Variants in DOCK5 observed in about 807,000 individuals in gnomAD.
DOCK5 encodes the protein dedicator of cytokinesis 5, also known as dedicator of cytokinesis protein 5.
A neutral mutation model predicts 251.8 loss-of-function variants in DOCK5; 142 were observed. The observed-to-expected ratio is 0.56, with a 90% CI of 0.49 to 0.65. DOCK5 has a LOEUF of 0.65. DOCK5 is among the 30% of genes least tolerant of loss of function. The pLI is 0.00. For missense variants in DOCK5, 2,111 were observed against 2,312.3 expected, an observed-to-expected ratio of 0.91 and a Z score of 1.79; for synonymous variants, 842 against 835.5, an observed-to-expected ratio of 1.01 and a Z score of -0.13.
intron 26 of DOCK5, among the ~76,000 whole-genome samples, chr8:25,346,824 C>CAAAAAAAAAA (rs11320370): frequency 8.4e-6 from 1 of 119,204 alleles, no homozygotes. Context: ...ACTCCAACTC[C>CAAAAAAAAAA]AAAAAAAAAA....
At chr8:25,273,728 T>G (rs1803973459) in intron 3 of DOCK5, among the ~76,000 whole-genome samples, 1 of 152,210 alleles carries the variant, frequency 6.6e-6, no homozygotes, top group South Asian at 2.1e-4. Context: ...ATGGCCAAAC[T>G]CACCTGACCT....
intron 1 of DOCK5, among the ~76,000 whole-genome samples, chr8:25,227,689 T>C (rs777359383): frequency 2.6e-5 from 4 of 152,248 alleles, no homozygotes; most frequent in Non-Finnish European, 5.9e-5. Context: ...GTTCTAATCC[T>C]ATTTAAATCT....
At chr8:25,338,517 A>G (rs1805870560) in intron 22 of DOCK5, among the ~76,000 whole-genome samples, 2 of 152,186 alleles carry the variant, frequency 1.3e-5, no homozygotes, top group South Asian at 4.1e-4. Context: ...TTTTTAAAAA[A>G]TGTTTAATGA....
intron 2 of DOCK5, among the ~76,000 whole-genome samples, chr8:25,246,125 C>T (rs1186755642): frequency 6.6e-6 from 1 of 152,152 alleles, no homozygotes; most frequent in Non-Finnish European, 1.5e-5. Flanking sequence ...TAGTAACATG[C>T]TATGTCTTAC....
Position 25,292,079 on chromosome 8 carries a change from A to G in DOCK5, c.377A>G (p.Glu126Gly). The G allele has an allele frequency of 4.4e-6, 7 of 1,600,316 alleles. No homozygotes were observed. The highest frequency in any genetic ancestry group is 6.0e-6 in the Non-Finnish European group (7 of 1,172,900). Residue 126 changes from glutamate to glycine, a missense_variant, in exon 6 of 52, where the codon GAG becomes GGG. Around this residue, in one of 3 missense-constraint regions of DOCK5, gnomAD observed 335 missense variants for 324.9 expected, o/e 1.03. Coordinates refer to ENST00000276440, the MANE Select transcript of DOCK5 (RefSeq NM_024940.8). ...CAGCAGATGACGTACAGCCTGATCGAGTGGCGGTCCCAGATCCTGTCTGGG... is the reference window on the plus strand; with the variant it reads ...CAGCAGATGACGTACAGCCTGATCGGGTGGCGGTCCCAGATCCTGTCTGGG... ...QLQQMTYSLI[E>G]WRSQILSGTL...
intron 33 of DOCK5, among the ~76,000 whole-genome samples, chr8:25,369,103 T>A (rs10106554): frequency 6.6e-6 from 1 of 151,968 alleles, no homozygotes; most frequent in Non-Finnish European, 1.5e-5. Flanking sequence ...AATCCATTAC[T>A]CTGTAGCTTT....
At chr8:25,216,196 T>C (rs550691307) in intron 1 of DOCK5, among the ~76,000 whole-genome samples, 2 of 145,552 alleles carry the variant, frequency 1.4e-5, no homozygotes, top group South Asian at 4.3e-4. Flanking sequence ...TGTATATATG[T>C]ATACAATATG....
chr8:25,249,093 G>T (rs892430609), intron 2 of DOCK5, among the ~76,000 whole-genome samples: 22 of 152,206 alleles, frequency 1.4e-4, no homozygotes, highest in African/African-American at 5.1e-4. Flanking sequence ...TGGCCTTTTG[G>T]ACTCAACGGA....
In DOCK5 at chr8:25,399,913, T is replaced by A. The variant is rs963485759; in HGVS notation, c.4707T>A (p.Ala1569=). 2 of 1,609,104 alleles carry A rather than the reference T, an allele frequency of 1.2e-6. No homozygotes were observed. Among genetic ancestry groups the A allele is most frequent in the Admixed American group, 1.7e-5 (1 of 59,494 alleles). ...VMGGFSNYEK[A]FFTEKYLQEH... ...AACTTGCATATGCTTTTTTTTAGGC[T>A]TTTTTTACAGAAAAGTACTTGCAGG... The change falls in exon 46 of 52, where the codon GCT becomes GCA. Residue 1569 remains alanine, a splice_region_variant and synonymous_variant. Coordinates refer to ENST00000276440, the MANE Select transcript of DOCK5 (RefSeq NM_024940.8).
chr8:25,353,580 T>TA (rs1800510465), intron 27 of DOCK5, among the ~76,000 whole-genome samples: 1 of 152,120 alleles, frequency 6.6e-6, no homozygotes, highest in African/African-American at 2.4e-5. Flanking sequence ...TTTTTTTTTT[T>TA]ACCAACAGAA....
At chr8:25,345,131 G>A (rs1273593389) in intron 25 of DOCK5, among the ~76,000 whole-genome samples, 1 of 151,860 alleles carries the variant, frequency 6.6e-6, no homozygotes, top group Non-Finnish European at 1.5e-5. Context: ...TAACTTGCTT[G>A]GTTTTATTTG....
chr8:25,197,725 A>G (rs2117453368), intron 1 of DOCK5, among the ~76,000 whole-genome samples: 2 of 147,026 alleles, frequency 1.4e-5, no homozygotes, highest in Middle Eastern at 7.3e-3. Flanking sequence ...CTGGGACTAC[A>G]GGTACATGCA....
intron 31 of DOCK5, 79 bp downstream of exon 31, chr8:25,367,049 C>T: frequency 7.9e-7 from 1 of 1,270,556 alleles, no homozygotes; most frequent in African/African-American, 1.5e-5. Context: ...TTAGGTATCA[C>T]AGAAATTACT....
chr8:25,334,301 C>G (rs949483675), intron 21 of DOCK5, 105 bp downstream of exon 21: 1 of 911,310 alleles, frequency 1.1e-6, no homozygotes, highest in Admixed American at 2.0e-5. Flanking sequence ...TCAGTAAATA[C>G]GCCTGTTAAG....
At chr8:25,405,998 A>G (rs1801515824) in intron 48 of DOCK5, among the ~76,000 whole-genome samples, 1 of 152,084 alleles carries the variant, frequency 6.6e-6, no homozygotes. Context: ...TGGCTCTGTC[A>G]CCCAGGCTGG....
At chr8:25,356,792 T>C (rs1235807925) in intron 27 of DOCK5, among the ~76,000 whole-genome samples, 1 of 151,660 alleles carries the variant, frequency 6.6e-6, no homozygotes, top group Non-Finnish European at 1.5e-5. Context: ...AGCACTAGAA[T>C]AAAATAATAA....
intron 13 of DOCK5, among the ~76,000 whole-genome samples, chr8:25,313,160 C>T (rs939950990): frequency 1.3e-5 from 2 of 152,164 alleles, no homozygotes; most frequent in African/African-American, 2.4e-5. Context: ...CACGTGAACT[C>T]GTTCCAGTTG....
intron 16 of DOCK5, among the ~76,000 whole-genome samples, chr8:25,323,576 G>T (rs950469437): frequency 6.6e-6 from 1 of 152,096 alleles, no homozygotes; most frequent in African/African-American, 2.4e-5. Flanking sequence ...GTTGACGTGG[G>T]GTGGAGTTGG....
chr8:25,267,503 G>A (rs553366418), intron 2 of DOCK5, among the ~76,000 whole-genome samples: 20 of 152,146 alleles, frequency 1.3e-4, no homozygotes, highest in Non-Finnish European at 1.9e-4. Flanking sequence ...ATTTCATGTA[G>A]AACAAATTAC....
Sources: allele counts gnomAD v4.1 joint callset (sites outside exome capture counted in the v4.1 genomes callset), GRCh38; gene constraint gnomAD v4.1.1; regional missense constraint gnomAD v4.1.1; transcripts MANE v1.5; gene names NCBI Gene and HGNC (gene_info 2026-07-23, HGNC 2026-07-21).